Variants in CALN1 observed in about 807,000 individuals in gnomAD.
The protein encoded by CALN1 is calneuron 1, also known as calcium-binding protein 8.
A neutral mutation model predicts 30.6 loss-of-function variants in CALN1; 17 were observed. That is an observed-to-expected ratio of 0.56 (90% CI 0.38 to 0.83). The LOEUF (loss-of-function observed/expected upper bound fraction) is 0.83, where lower values mean the gene tolerates loss of function less well. CALN1 is among the 40% of genes least tolerant of loss of function. CALN1 has a pLI of 0.00. For synonymous variants in CALN1, 156 were observed against 131.4 expected (o/e 1.19, Z -1.28); for missense variants, 291 against 354.9 (o/e 0.82, Z 1.45).
At chr7:72,265,577 C>T (rs1207798243) in intron 3 of CALN1, among the ~76,000 whole-genome samples, 1 of 152,116 alleles carries the variant, frequency 6.6e-6, no homozygotes, top group Non-Finnish European at 1.5e-5. Flanking sequence ...AATTAGCTTA[C>T]TAGATCTGTT....
intron 4 of CALN1, among the ~76,000 whole-genome samples, chr7:72,040,711 T>A (rs572672784): frequency 6.6e-6 from 1 of 152,268 alleles, no homozygotes; most frequent in Non-Finnish European, 1.5e-5. Flanking sequence ...AACGTGGCCA[T>A]GTGCAAACCA....
chr7:72,396,171 C>T (rs1805923573), intron 2 of CALN1, among the ~76,000 whole-genome samples: 1 of 142,454 alleles, frequency 7.0e-6, no homozygotes, highest in Non-Finnish European at 1.5e-5. Flanking sequence ...CCAAGGCAGG[C>T]AGATCACTTA....
chr7:71,949,044 TAAAAAA>T (rs34370568), intron 5 of CALN1, among the ~76,000 whole-genome samples: 4 of 66,906 alleles, frequency 6.0e-5, no homozygotes, highest in African/African-American at 1.8e-4. Context: ...CTCTGTCTCT[TAAAAAA>T]AAAAAAAAAA....
chr7:72,143,111 C>G (rs1443485717), intron 3 of CALN1, among the ~76,000 whole-genome samples: 3 of 152,178 alleles, frequency 2.0e-5, no homozygotes, highest in South Asian at 4.1e-4. Context: ...AGCAACAGAA[C>G]AAAGCTGGAC....
At chr7:72,393,635 C>A (rs772851675) in intron 2 of CALN1, among the ~76,000 whole-genome samples, 1 of 152,188 alleles carries the variant, frequency 6.6e-6, no homozygotes. Context: ...CTGGGCCCCC[C>A]CCAGGCAAAT....
intron 4 of CALN1, among the ~76,000 whole-genome samples, chr7:72,058,308 A>ATTTT (rs1563019395): frequency 8.7e-5 from 8 of 92,134 alleles, no homozygotes; most frequent in Admixed American, 2.4e-4. Context: ...ACAAGCTGGA[A>ATTTT]TCTTTTTTTT....
intron 3 of CALN1, among the ~76,000 whole-genome samples, chr7:72,180,607 C>CT (rs150600925): frequency 0.49 from 44,079 of 90,114 alleles, 10,487 homozygotes; most frequent in Non-Finnish European, 0.58. Flanking sequence ...GCTTTTTTTT[C>CT]TTTTTTTTTT....
chr7:71,946,465 T>G (rs1796412749), intron 5 of CALN1, among the ~76,000 whole-genome samples: 1 of 150,754 alleles, frequency 6.6e-6, no homozygotes, highest in Non-Finnish European at 1.5e-5. Context: ...CCTCCGGGGC[T>G]CAAGTGATCC....
At chr7:72,397,798 GACTT>G (rs1336667153) in intron 2 of CALN1, among the ~76,000 whole-genome samples, 63 of 150,562 alleles carry the variant, frequency 4.2e-4, no homozygotes, top group African/African-American at 1.5e-3. Context: ...CTACCCTTAG[GACTT>G]ACTTTAGAAA....
chr7:72,084,081 C>T (rs2129539098), intron 4 of CALN1, among the ~76,000 whole-genome samples: 1 of 149,860 alleles, frequency 6.7e-6, no homozygotes, highest in Non-Finnish European at 1.5e-5. Context: ...TGGTGGTGTG[C>T]ACCTGTAGTC....
At chr7:72,428,476 C>G (rs1016671303) in intron 1 of CALN1, among the ~76,000 whole-genome samples, 1 of 151,622 alleles carries the variant, frequency 6.6e-6, no homozygotes, top group African/African-American at 2.4e-5. Context: ...ACTGCAGCCT[C>G]AACATCCTGG....
intron 3 of CALN1, among the ~76,000 whole-genome samples, chr7:72,108,013 A>C (rs191595418): frequency 6.6e-6 from 1 of 152,326 alleles, no homozygotes; most frequent in East Asian, 1.9e-4. Context: ...TTAAGACAAT[A>C]GAAATCTATT....
intron 1 of CALN1, among the ~76,000 whole-genome samples, chr7:72,426,963 C>T (rs1241407983): frequency 6.6e-6 from 1 of 152,156 alleles, no homozygotes; most frequent in Non-Finnish European, 1.5e-5. Context: ...GCCTTCCTGC[C>T]TATTGTCTGC....
chr7:72,348,817 CA>C, intron 2 of CALN1, among the ~76,000 whole-genome samples: 1 of 152,280 alleles, frequency 6.6e-6, no homozygotes, highest in African/African-American at 2.4e-5. Flanking sequence ...GTTACTAATC[CA>C]ATGCCTAGCA....
At chr7:72,390,762 T>C (rs545645321) in intron 2 of CALN1, among the ~76,000 whole-genome samples, 5 of 152,342 alleles carry the variant, frequency 3.3e-5, no homozygotes, top group East Asian at 3.9e-4. Context: ...TATCTACCAA[T>C]AGCCCTTATT....
intron 5 of CALN1, among the ~76,000 whole-genome samples, chr7:71,896,784 C>A (rs1394089694): frequency 1.3e-5 from 2 of 152,148 alleles, no homozygotes; most frequent in Non-Finnish European, 2.9e-5. Flanking sequence ...TCCTCTCCAC[C>A]TCCACTCTCA....
chr7:72,231,574 T>C (rs150579334), intron 3 of CALN1, among the ~76,000 whole-genome samples: 4,764 of 152,310 alleles, frequency 0.031, 244 homozygotes, highest in African/African-American at 0.11. Context: ...CTGTTGTGAA[T>C]AGTGCTGCAA....
chr7:72,041,820 G>T (rs995873186), intron 4 of CALN1, among the ~76,000 whole-genome samples: 2 of 152,198 alleles, frequency 1.3e-5, no homozygotes, highest in African/African-American at 4.8e-5. Flanking sequence ...GAGATCTGAT[G>T]ATCCGATAAA....
intron 5 of CALN1, among the ~76,000 whole-genome samples, chr7:71,971,930 C>CAAA (rs764756514): frequency 7.5e-4 from 29 of 38,556 alleles, no homozygotes; most frequent in Admixed American, 1.2e-3. Flanking sequence ...GACCCTGTCT[C>CAAA]AAAAAAAAAA....
Sources: allele counts gnomAD v4.1 joint callset (sites outside exome capture counted in the v4.1 genomes callset), GRCh38; gene constraint gnomAD v4.1.1; transcripts MANE v1.5; gene names NCBI Gene and HGNC (gene_info 2026-07-23, HGNC 2026-07-21).